SNX13: variants seen among roughly 807,000 people sequenced by gnomAD.
The protein encoded by SNX13 is sorting nexin 13, also known as sorting nexin-13.
A neutral mutation model predicts 133.6 loss-of-function variants in SNX13; 45 were observed. The ratio of observed to expected loss-of-function variants is 0.34; its 90% CI spans 0.27 to 0.43. SNX13 has a LOEUF of 0.43. Among genes scored for constraint, SNX13 ranks in the 20% least tolerant of loss-of-function variants. The probability of loss-of-function intolerance (pLI) is 1.00; values close to 1 mark genes in which losing one functional copy is unlikely to be tolerated. For missense variants in SNX13, 1,032 were observed against 1,145.1 expected (o/e 0.90, Z 1.43); for synonymous variants, 414 against 373.9 (o/e 1.11, Z -1.24).
Position 17,803,427 on chromosome 7 carries a change from A to G in SNX13, c.2218T>C (p.Phe740Leu). Residue 740 changes from phenylalanine to leucine, a missense_variant, in exon 21 of 26, where the codon TTT becomes CTT. By Grantham distance (22) the Phe-to-Leu change is conservative. Coordinates refer to ENST00000428135, the MANE Select transcript of SNX13 (RefSeq NM_015132.5). Reference protein sequence around the residue: ...ERLGQDIKQSFFKVPPLIPKT... With the variant: ...ERLGQDIKQSLFKVPPLIPKT... ...TGAAAATGTCTTCTTACCTTAAAAA[A>G]TGATTGCTTTATGTCTTGACCTAAT... The G allele has an allele frequency of 6.2e-7, 1 of 1,605,634 alleles. No individual in the cohort carries two copies. Among genetic ancestry groups the G allele is most frequent in the Non-Finnish European group, 8.5e-7 (1 of 1,176,402 alleles).
intron 1 of SNX13, among the ~76,000 whole-genome samples, chr7:17,913,754 C>CAAAAAAAAAAAAAAA (rs1158895502): frequency 1.1e-5 from 1 of 87,274 alleles, no homozygotes; most frequent in African/African-American, 4.0e-5. Context: ...AGCAAATTAA[C>CAAAAAAAAAAAAAAA]AAAAACAAAA....
chr7:17,812,525 G>C (rs1786170158), intron 20 of SNX13, among the ~76,000 whole-genome samples: 1 of 152,200 alleles, frequency 6.6e-6, no homozygotes. Flanking sequence ...GGAGATACAG[G>C]AATGCTTTTA....
intron 1 of SNX13, among the ~76,000 whole-genome samples, chr7:17,913,760 CAAAAAAAAAAAA>C (rs71010278): frequency 5.5e-5 from 3 of 54,076 alleles, no homozygotes; most frequent in Admixed American, 2.0e-4. Context: ...TTAACAAAAA[CAAAAAAAAAAAA>C]AAAAAAAAAA....
chr7:17,872,911 G>A (rs1794281834), intron 8 of SNX13, among the ~76,000 whole-genome samples: 1 of 152,134 alleles, frequency 6.6e-6, no homozygotes, highest in African/African-American at 2.4e-5. Flanking sequence ...TACTCTGAAG[G>A]TTTATACTCA....
chr7:17,901,871 T>C (rs1163425695), intron 1 of SNX13, among the ~76,000 whole-genome samples: 2 of 152,230 alleles, frequency 1.3e-5, no homozygotes. Context: ...TGGAGGCTTC[T>C]ATTTGGCCAT....
chr7:17,925,972 G>C (rs1800705416), intron 1 of SNX13, among the ~76,000 whole-genome samples: 1 of 152,192 alleles, frequency 6.6e-6, no homozygotes, highest in Admixed American at 6.5e-5. Flanking sequence ...TTTACTAGGT[G>C]TAACAATAAT....
At chr7:17,801,046 A>G (rs1183550979) in intron 22 of SNX13, among the ~76,000 whole-genome samples, 12 of 23,986 alleles carry the variant, frequency 5.0e-4, no homozygotes, top group African/African-American at 1.3e-3. Flanking sequence ...ATATATATAT[A>G]TATATATATA....
At chr7:17,821,933 T>C (rs1192874785) in intron 17 of SNX13, among the ~76,000 whole-genome samples, 1 of 152,160 alleles carries the variant, frequency 6.6e-6, no homozygotes, top group Non-Finnish European at 1.5e-5. Flanking sequence ...TACAATTCTC[T>C]CTTCCAAAGA....
chr7:17,865,362 G>A (rs1054859386), intron 9 of SNX13, among the ~76,000 whole-genome samples: 1 of 151,912 alleles, frequency 6.6e-6, no homozygotes, highest in African/African-American at 2.4e-5. Context: ...ATTTGAAAAA[G>A]AAAACAAGAA....
intron 12 of SNX13, among the ~76,000 whole-genome samples, chr7:17,842,651 C>T (rs1351700172): frequency 6.6e-6 from 1 of 151,988 alleles, no homozygotes; most frequent in Non-Finnish European, 1.5e-5. Flanking sequence ...AATCAACTAT[C>T]AGTCTGAAAG....
chr7:17,897,259 C>A, intron 2 of SNX13, 75 bp downstream of exon 2: 1 of 763,360 alleles, frequency 1.3e-6, no homozygotes, highest in Non-Finnish European at 1.9e-6. Context: ...ATCATACTCC[C>A]GTTTCTCAGT....
In SNX13 at chr7:17,875,715, G is replaced by A; in HGVS notation, c.516C>T (p.Phe172=). 3 of 1,612,188 alleles carry A rather than the reference G, an allele frequency of 1.9e-6. No homozygotes were observed. Among genetic ancestry groups the A allele is most frequent in the Non-Finnish European group, 2.5e-6 (3 of 1,178,962 alleles). Residue 172 remains phenylalanine, a synonymous_variant, in exon 6 of 26, where the codon TTC becomes TTT. Coordinates refer to ENST00000428135, the MANE Select transcript of SNX13 (RefSeq NM_015132.5). ...VDDFGTHLRV[F]RKAQQKITEK... is the part of the protein sequence containing the mutation. The stretch of plus-strand genomic sequence containing the variant: ...CTGTTATTTTCTGTTGAGCCTTTCT[G>A]AATACTCGTAAGTGTGTGCCAAAGT...
intron 2 of SNX13, among the ~76,000 whole-genome samples, chr7:17,896,171 T>C (rs548940437): frequency 1.4e-4 from 21 of 152,350 alleles, no homozygotes; most frequent in Admixed American, 3.9e-4. Context: ...CTTTATCATC[T>C]TCAGTCATCT....
In SNX13 at chr7:17,793,543, T is replaced by C. The variant is rs1351512137; in HGVS notation, c.*502A>G. ...TCTCTTTCTCCAGACCTGAAAGAGA[T>C]GTTTCAAGGATCATTCACCTGGCTA... is the stretch of plus-strand genomic sequence containing the variant. On this transcript the variant is annotated 3_prime_UTR_variant, in exon 26 of 26. Coordinates refer to ENST00000428135, the MANE Select transcript of SNX13 (RefSeq NM_015132.5). 1 of 152,232 alleles carries C rather than the reference T, an allele frequency of 6.6e-6. No individual in the cohort carries two copies. Among genetic ancestry groups the C allele is most frequent in the African/African-American group, 2.4e-5 (1 of 41,426 alleles). The allele number at this position is 152,232 out of a possible 1,614,324, so 9.4% of individuals were successfully genotyped here. A position where few individuals can be genotyped will look rare whatever the true frequency, so the allele number is the denominator to read the frequency against.
chr7:17,885,630 C>T (rs181708001), intron 5 of SNX13, among the ~76,000 whole-genome samples: 4 of 152,244 alleles, frequency 2.6e-5, no homozygotes, highest in African/African-American at 9.6e-5. Flanking sequence ...GAGCTCCAGA[C>T]CAGCCTAGGC....
At chr7:17,822,278 T>C (rs992749852) in intron 17 of SNX13, among the ~76,000 whole-genome samples, 7 of 152,090 alleles carry the variant, frequency 4.6e-5, no homozygotes, top group Non-Finnish European at 8.8e-5. Context: ...TCAAAGCCTG[T>C]TCCTATTTTG....
At chr7:17,893,295 T>G (rs781473006) in intron 3 of SNX13, 37 bp downstream of exon 3, 4 of 1,372,218 alleles carry the variant, frequency 2.9e-6, no homozygotes, top group South Asian at 1.3e-5. Context: ...TGCAAAGAAC[T>G]GGACTTTGAG....
Position 17,821,143 on chromosome 7 carries a change from T to C in SNX13, c.1845+366A>G, listed in dbSNP as rs563296011. Among the ~76,000 whole-genome samples the C allele has an allele frequency of 1.4e-4, 22 of 152,306 alleles. 1 individual carries two copies. In the South Asian group the frequency reaches 4.3e-3, roughly 30 times the overall value. ...ATAACTTCTAGGTTTAAATTATGCCTTCAAAAACAAAAGCACAAAATGTCC... is the reference window on the plus strand; with the variant it reads ...ATAACTTCTAGGTTTAAATTATGCCCTCAAAAACAAAAGCACAAAATGTCC... On this transcript the variant is annotated intron_variant, in intron 18 of 25. Coordinates refer to ENST00000428135, the MANE Select transcript of SNX13 (RefSeq NM_015132.5).
chr7:17,830,279 C>T, intron 15 of SNX13: 1 of 983,486 alleles, frequency 1.0e-6, no homozygotes, highest in Non-Finnish European at 1.2e-6. Context: ...GATAGCTGGC[C>T]AAAAATCAAA....
Sources: allele counts gnomAD v4.1 joint callset (sites outside exome capture counted in the v4.1 genomes callset), GRCh38; gene constraint gnomAD v4.1.1; transcripts MANE v1.5; gene names NCBI Gene and HGNC (gene_info 2026-07-23, HGNC 2026-07-21).